ATP10B: variants seen among roughly 807,000 people sequenced by gnomAD.
The protein encoded by ATP10B is phospholipid-transporting ATPase VB.
In ATP10B, 122 loss-of-function variants were observed where a neutral mutation model predicts 141.2. The ratio of observed to expected loss-of-function variants is 0.86; its 90% CI spans 0.75 to 1.00. The LOEUF is 1.00. ATP10B is among the 50% of genes least tolerant of loss of function. The probability of loss-of-function intolerance (pLI) is 0.00; values close to 1 mark genes in which losing one functional copy is unlikely to be tolerated. For synonymous variants in ATP10B, 685 were observed against 692.0 expected (o/e 0.99, Z 0.16); for missense variants, 1,876 against 1,825.3 (o/e 1.03, Z -0.51).
the ATP10B span, among the ~76,000 whole-genome samples, chr5:160,866,437 G>T: frequency 1.3e-5 from 2 of 152,264 alleles, no homozygotes; most frequent in South Asian, 2.1e-4. Context: ...ATTTTGGGAG[G>T]CTGAGGCAGG....
At position 160,606,912 on chromosome 5, in the gene ATP10B, C is replaced by T. The variant is rs1757426501; in HGVS notation, c.3013G>A (p.Ala1005Thr). ...GLVIDGKTLN[A>T]IFQGKLEKKF... ...TTCTCTAGCTTTCCCTGGAAGATGG[C>T]ATTCAATGTCTTCCCATCGATGACC... Residue 1005 changes from alanine to threonine, a missense_variant, in exon 19 of 26, where the codon GCC becomes ACC. Transcript: ENST00000327245. 1 of 1,614,064 alleles carries T rather than the reference C, an allele frequency of 6.2e-7. No individual in the cohort carries two copies. The highest frequency in any genetic ancestry group is 1.3e-5 in the African/African-American group (1 of 74,914).
chr5:160,894,171 G>A, the ATP10B span, among the ~76,000 whole-genome samples: 1 of 151,974 alleles, frequency 6.6e-6, no homozygotes, highest in African/African-American at 2.4e-5. Context: ...TCACCAGCAA[G>A]GGAACAAAAG....
intron 21 of ATP10B, among the ~76,000 whole-genome samples, chr5:160,600,429 T>C (rs1366873560): frequency 6.6e-6 from 1 of 152,228 alleles, no homozygotes. Flanking sequence ...GAAATATTTA[T>C]TATCTAGCTC....
intron 2 of ATP10B, among the ~76,000 whole-genome samples, chr5:160,771,990 A>G (rs1269332474): frequency 2.0e-5 from 3 of 152,256 alleles, no homozygotes; most frequent in African/African-American, 7.2e-5. Context: ...AGCCCCTCCA[A>G]GGGCTTTTCC....
At chr5:160,682,768 G>A (rs1013395180) in intron 6 of ATP10B, among the ~76,000 whole-genome samples, 2 of 152,028 alleles carry the variant, frequency 1.3e-5, no homozygotes, top group East Asian at 1.9e-4. Flanking sequence ...GGCCGGGCGC[G>A]GTGGCTCACG....
rs184679643 is a variant in ATP10B, at chr5:160,780,952, A to G, written c.-331+4607T>C. Among the ~76,000 whole-genome samples, 84 of 152,338 alleles carry G rather than the reference A, an allele frequency of 5.5e-4. 1 individual carries two copies. The East Asian group carries it at 8.1e-3, about 15-fold the overall frequency. On this transcript the variant is annotated intron_variant, in intron 2 of 25. Coordinates refer to ENST00000327245, the MANE Select transcript of ATP10B (RefSeq NM_025153.3). ...TGGAGGGGAAGTTGCCATGAAAATG[A>G]TGAAATTGTCAAAGGAGTAAACTGT...
chr5:160,602,438 A>T, intron 21 of ATP10B, 139 bp downstream of exon 21: 1 of 1,092,536 alleles, frequency 9.2e-7, no homozygotes. Flanking sequence ...GCTATTAAGG[A>T]ACAGTTTCAA....
chr5:160,719,078 G>T (rs1214294688), intron 2 of ATP10B, among the ~76,000 whole-genome samples: 1 of 152,204 alleles, frequency 6.6e-6, no homozygotes, highest in East Asian at 1.9e-4. Flanking sequence ...TATTAGGTTG[G>T]TGCAAAAGTA....
chr5:160,864,875 G>A, the ATP10B span, among the ~76,000 whole-genome samples: 5 of 151,960 alleles, frequency 3.3e-5, no homozygotes, highest in Non-Finnish European at 7.4e-5. Context: ...AACCAAGGAG[G>A]TGAAAGGTTT....
chr5:160,889,088 T>A, the ATP10B span, among the ~76,000 whole-genome samples: 1 of 152,078 alleles, frequency 6.6e-6, no homozygotes, highest in Non-Finnish European at 1.5e-5. Flanking sequence ...GGGAACTAGA[T>A]ACAGGGAGAG....
intron 2 of ATP10B, among the ~76,000 whole-genome samples, chr5:160,783,408 CTATCCATGGATA>C (rs1299880235): frequency 6.7e-4 from 73 of 109,662 alleles, no homozygotes; most frequent in Non-Finnish European, 7.3e-4. Flanking sequence ...ATGGATATAT[CTATCCATGGATA>C]TATCCATGGA....
intron 24 of ATP10B, among the ~76,000 whole-genome samples, chr5:160,588,735 A>ATAAT (rs1232803783): frequency 3.3e-5 from 5 of 152,240 alleles, no homozygotes; most frequent in Admixed American, 1.3e-4. Flanking sequence ...TAGAGGTTAA[A>ATAAT]TAATACACGC....
chr5:160,830,647 T>A (rs1185384388), intron 1 of ATP10B, among the ~76,000 whole-genome samples: 1 of 152,050 alleles, frequency 6.6e-6, no homozygotes, highest in Non-Finnish European at 1.5e-5. Context: ...CAAATTTTTA[T>A]GTATGAAACT....
chr5:160,730,601 G>A (rs1030023388), intron 2 of ATP10B, among the ~76,000 whole-genome samples: 6 of 152,044 alleles, frequency 3.9e-5, no homozygotes, highest in Admixed American at 2.0e-4. Context: ...TACAAAAAGC[G>A]TTTTTCTTTT....
chr5:160,921,586 C>T, the ATP10B span, among the ~76,000 whole-genome samples: 1 of 152,218 alleles, frequency 6.6e-6, no homozygotes, highest in African/African-American at 2.4e-5. Context: ...ATACATGTTG[C>T]TCTGTGTTTA....
chr5:160,663,292 T>C (rs1762070846), intron 7 of ATP10B, among the ~76,000 whole-genome samples: 1 of 152,198 alleles, frequency 6.6e-6, no homozygotes, highest in Admixed American at 6.5e-5. Flanking sequence ...TTACTGGAAA[T>C]ATACCCAAAG....
intron 1 of ATP10B, among the ~76,000 whole-genome samples, chr5:160,812,150 T>G (rs1181408018): frequency 1.3e-5 from 2 of 152,112 alleles, no homozygotes; most frequent in African/African-American, 4.8e-5. Flanking sequence ...CTTCCAGGTC[T>G]TATTCAAGAC....
chr5:160,621,495 T>C (rs1470969427), intron 14 of ATP10B, among the ~76,000 whole-genome samples: 1 of 152,218 alleles, frequency 6.6e-6, no homozygotes, highest in Non-Finnish European at 1.5e-5. Flanking sequence ...TTTCCCCAAA[T>C]GGTACTTCTT....
intron 1 of ATP10B, among the ~76,000 whole-genome samples, chr5:160,800,162 T>C (rs1772281756): frequency 6.6e-6 from 1 of 152,122 alleles, no homozygotes; most frequent in African/African-American, 2.4e-5. Flanking sequence ...TTTTATATAA[T>C]TCTGTCATTT....
Sources: gnomAD v4.1 joint callset for allele counts (sites outside exome capture counted in the v4.1 genomes callset) on GRCh38, gnomAD v4.1.1 for gene constraint, MANE v1.5 for transcripts, NCBI Gene and HGNC (gene_info 2026-07-23, HGNC 2026-07-21) for gene names.